Variants in DAB1 observed in about 807,000 individuals in gnomAD.
The protein encoded by DAB1 is DAB adaptor protein 1.
A neutral mutation model predicts 64.6 loss-of-function variants in DAB1; 15 were observed. The observed-to-expected ratio is 0.23, with a 90% CI of 0.16 to 0.36. The LOEUF is 0.36. Among genes scored for constraint, DAB1 ranks in the 10% least tolerant of loss-of-function variants. The pLI is 1.00. For missense variants in DAB1, 596 were observed against 706.7 expected, an observed-to-expected ratio of 0.84 and a Z score of 1.78; for synonymous variants, 235 against 251.9, an observed-to-expected ratio of 0.93 and a Z score of 0.64.
Position 58,028,695 on chromosome 1 carries a change from A to G in DAB1, n.387+121816T>C, listed in dbSNP as rs111412968. Reference sequence around the variant, plus strand: ...ATTTTGTGTATGTCTGTCGATGACCATAAAAGCACTATGAGTACTGATTTT... The same window carrying G: ...ATTTTGTGTATGTCTGTCGATGACCGTAAAAGCACTATGAGTACTGATTTT... On this transcript the variant is annotated intron_variant and non_coding_transcript_variant, in intron 5 of 20. Coordinates refer to the DAB1 transcript ENST00000485760. Among the ~76,000 whole-genome samples the G allele has an allele frequency of 5.7e-3, 864 of 152,342 alleles. 11 individuals are homozygous for G. The highest frequency in any genetic ancestry group is 0.019 in the African/African-American group (796 of 41,572).
chr1:57,392,331 C>T (rs1682447761), intron 1 of DAB1, among the ~76,000 whole-genome samples: 1 of 152,194 alleles, frequency 6.6e-6, no homozygotes, highest in South Asian at 2.1e-4. Flanking sequence ...GAGATCGTGC[C>T]ACTGCACTTC....
chr1:57,568,190 T>G lies in DAB1; in HGVS notation n.625+81402A>C, dbSNP rs141648954. Among the ~76,000 whole-genome samples the G allele has an allele frequency of 9.6e-3, 1,458 of 152,284 alleles. 36 individuals carry two copies. The highest frequency in any genetic ancestry group is 0.034 in the African/African-American group (1,399 of 41,542). ...AGAAATGGGGAAAGGATTCCCTATT[T>G]AATAAATGGTGCTGGGAAAACTGGC... is the stretch of plus-strand genomic sequence containing the variant. On this transcript the variant is annotated intron_variant and non_coding_transcript_variant, in intron 7 of 20. Coordinates refer to the DAB1 transcript ENST00000485760.
intron 2 of DAB1, among the ~76,000 whole-genome samples, chr1:58,525,326 G>A (rs1646332608): frequency 6.9e-6 from 1 of 144,510 alleles, no homozygotes; most frequent in African/African-American, 2.6e-5. Context: ...CTATGTATAA[G>A]TGGATCTACA....
chr1:57,762,525 T>G (rs1649133063), intron 6 of DAB1, among the ~76,000 whole-genome samples: 1 of 152,148 alleles, frequency 6.6e-6, no homozygotes, highest in Non-Finnish European at 1.5e-5. Flanking sequence ...CTGCCATTTA[T>G]CTTTACCATA....
At chr1:57,085,512 T>G (rs1235975875) in intron 4 of DAB1, among the ~76,000 whole-genome samples, 1 of 152,234 alleles carries the variant, frequency 6.6e-6, no homozygotes, top group Non-Finnish European at 1.5e-5. Context: ...AGAAACACTG[T>G]GCTAGGTGCT....
At chr1:57,443,284 G>C (rs866562259) in intron 7 of DAB1, among the ~76,000 whole-genome samples, 5 of 152,148 alleles carry the variant, frequency 3.3e-5, no homozygotes, top group Admixed American at 1.3e-4. Flanking sequence ...GGTTATAGGA[G>C]GGATTGAGAT....
At chr1:57,605,760 G>A in intron 7 of DAB1, 1 of 327,238 alleles carries the variant, frequency 3.1e-6, no homozygotes, top group Non-Finnish European at 5.9e-6. Flanking sequence ...CTGAAATCCT[G>A]ATTGATGGCC....
chr1:58,039,021 C>T (rs1328654036), intron 5 of DAB1, among the ~76,000 whole-genome samples: 1 of 152,138 alleles, frequency 6.6e-6, no homozygotes, highest in African/African-American at 2.4e-5. Flanking sequence ...GCTCCCCACA[C>T]CAACCCCACT....
intron 4 of DAB1, among the ~76,000 whole-genome samples, chr1:58,314,633 A>G (rs1429395625): frequency 6.6e-6 from 1 of 152,164 alleles, no homozygotes; most frequent in African/African-American, 2.4e-5. Flanking sequence ...GCTCCATTTT[A>G]GCAAACTGAC....
At chr1:58,122,128 T>C (rs1652780071) in intron 5 of DAB1, among the ~76,000 whole-genome samples, 1 of 152,196 alleles carries the variant, frequency 6.6e-6, no homozygotes, top group Non-Finnish European at 1.5e-5. Flanking sequence ...GAACTGTTTA[T>C]TGTACCATAC....
intron 7 of DAB1, among the ~76,000 whole-genome samples, chr1:57,583,511 T>A (rs1558514889): frequency 6.6e-6 from 1 of 152,060 alleles, no homozygotes; most frequent in Non-Finnish European, 1.5e-5. Context: ...GGTCTCCATC[T>A]CCTGACCTTG....
At chr1:57,295,024 A>G (rs1673073772) in intron 1 of DAB1, among the ~76,000 whole-genome samples, 1 of 152,140 alleles carries the variant, frequency 6.6e-6, no homozygotes, top group South Asian at 2.1e-4. Context: ...TCCTAAATAG[A>G]CAAATCCCTG....
At chr1:57,124,755 G>A (rs901066287) in intron 4 of DAB1, among the ~76,000 whole-genome samples, 6 of 152,126 alleles carry the variant, frequency 3.9e-5, no homozygotes, top group Non-Finnish European at 5.9e-5. Context: ...ACTGAGAATT[G>A]GGGTGATCAC....
intron 1 of DAB1, among the ~76,000 whole-genome samples, chr1:57,856,579 A>G (rs1233060581): frequency 6.6e-6 from 1 of 152,090 alleles, no homozygotes; most frequent in African/African-American, 2.4e-5. Flanking sequence ...CCTGGCCAAC[A>G]TGATGAAACC....
chr1:57,528,641 C>T (rs1852000), intron 7 of DAB1, among the ~76,000 whole-genome samples: 1 of 4,348 alleles, frequency 2.3e-4, no homozygotes, highest in African/African-American at 2.7e-4. Flanking sequence ...CAGCAGGACA[C>T]ACACACACAC....
At chr1:58,275,241 T>C (rs979576670) in intron 4 of DAB1, among the ~76,000 whole-genome samples, 3 of 152,118 alleles carry the variant, frequency 2.0e-5, no homozygotes, top group African/African-American at 7.2e-5. Context: ...AAAGAAAACA[T>C]AGGAGAAGAG....
In DAB1 at chr1:57,748,600, G is replaced by A. The variant is rs1648396938; in HGVS notation, n.552-98935C>T. Among the ~76,000 whole-genome samples, 2 of 152,168 alleles carry A rather than the reference G, an allele frequency of 1.3e-5. 1 individual carries two copies. The highest frequency in any genetic ancestry group is 4.1e-4 in the South Asian group (2 of 4,822). ...GAAGGTAGAGCCAAGGCAATGGGCA[G>A]AAGTTACTGAAATTTAGATTTAAAT... On this transcript the variant is annotated intron_variant and non_coding_transcript_variant, in intron 6 of 20. Coordinates refer to the DAB1 transcript ENST00000485760.
At position 57,735,617 on chromosome 1, in the gene DAB1, T is replaced by G. The variant is rs965742865; in HGVS notation, n.552-85952A>C. The stretch of plus-strand genomic sequence containing the variant: ...TCCCATTCTGTTTGCTTGTTTTTTT[T>G]TTTTTTTTTTTTTTTTAGTTAGAAA... On this transcript the variant is annotated intron_variant and non_coding_transcript_variant, in intron 6 of 20. Coordinates refer to the DAB1 transcript ENST00000485760. Among the ~76,000 whole-genome samples, 15 of 133,826 alleles carry G rather than the reference T, an allele frequency of 1.1e-4. No homozygotes were observed. The East Asian group carries it at 1.9e-3, about 17-fold the overall frequency. The allele number at this position is 133,826 out of a possible 152,430, so 87.8% of individuals were successfully genotyped here. A position where few individuals can be genotyped will look rare whatever the true frequency, so the allele number is the denominator to read the frequency against.
chr1:57,271,235 T>C (rs955316047), intron 2 of DAB1, among the ~76,000 whole-genome samples: 2 of 152,070 alleles, frequency 1.3e-5, no homozygotes, highest in Admixed American at 1.3e-4. Context: ...GGCTATTAAG[T>C]GGATAGCTGC....
Sources: gnomAD v4.1 joint callset for allele counts (sites outside exome capture counted in the v4.1 genomes callset) on GRCh38, gnomAD v4.1.1 for gene constraint, MANE v1.5 for transcripts, NCBI Gene and HGNC (gene_info 2026-07-23, HGNC 2026-07-21) for gene names.